TPO: variants seen among roughly 807,000 people sequenced by gnomAD.
TPO encodes the protein thyroid peroxidase, also known as thyroid microsomal antigen.
In TPO, 78 loss-of-function variants were observed where a neutral mutation model predicts 96.9. The ratio of observed to expected loss-of-function variants is 0.81; its 90% CI spans 0.67 to 0.97. TPO has a LOEUF of 0.97. TPO is among the 50% of genes least tolerant of loss of function. The pLI is 0.00. For synonymous variants in TPO, 547 were observed against 538.0 expected (o/e 1.02, Z -0.23); for missense variants, 1,252 against 1,274.8 (o/e 0.98, Z 0.27).
At chr2:1,408,941 G>T (rs1662286338), upstream of TPO, among the ~76,000 whole-genome samples, 1 of 152,226 alleles carries the variant, frequency 6.6e-6, no homozygotes, top group African/African-American at 2.4e-5. Flanking sequence ...CCCTTGGTGA[G>T]AAGATGGCTC....
intron 15 of TPO, among the ~76,000 whole-genome samples, chr2:1,517,726 G>A (rs1674851648): frequency 6.7e-6 from 1 of 149,768 alleles, no homozygotes; most frequent in African/African-American, 2.5e-5. Flanking sequence ...CCTTGCTGCT[G>A]CCTCTCACCT....
chr2:1,386,481 C>G (rs1338350694), intron 1 of TPO, among the ~76,000 whole-genome samples: 2 of 151,950 alleles, frequency 1.3e-5, no homozygotes, highest in East Asian at 1.9e-4. Context: ...TTCTTTGTCT[C>G]TTTTGATCTT....
intron 15 of TPO, among the ~76,000 whole-genome samples, chr2:1,534,005 TCTCCCCAAATCCCCCCCAATCTGTGCAAC>T (rs1678934656): frequency 2.0e-5 from 1 of 49,022 alleles, no homozygotes; most frequent in African/African-American, 7.7e-5. Flanking sequence ...CTCTGTGTAA[TCTCCCCAAATCCCCCCCAATCTGTGCAAC>T]CTCCCCAAAT....
chr2:1,396,801 G>A (rs1662088629), intron 1 of TPO, among the ~76,000 whole-genome samples: 1 of 152,082 alleles, frequency 6.6e-6, no homozygotes, highest in Admixed American at 6.5e-5. Flanking sequence ...GCTATGTGTG[G>A]GCAAATGAAT....
In TPO at chr2:1,433,310, C is replaced by G. The variant is rs757102470; in HGVS notation, c.180-128C>G. On this transcript the variant is annotated intron_variant, in intron 3 of 16. Transcript: ENST00000329066. ...GCACATGTTTTACCTGTGCACACCC[C>G]GCAGTGCCTGTCACATTGTCTGGGA... is the stretch of plus-strand genomic sequence containing the variant. 5.0e-6 allele frequency: 6 copies of G among 1,206,052 alleles called. No individual in the cohort carries two copies. The Admixed American group carries it at 6.3e-5, about 13-fold the overall frequency. 74.7% of individuals were successfully genotyped at this position (1,206,052 alleles called of 1,614,324 possible).
chr2:1,529,716 AAATCCCCCCACTGTGAGCAATCTCCTC>A (rs1677587769), intron 15 of TPO, among the ~76,000 whole-genome samples: 1 of 25,710 alleles, frequency 3.9e-5, no homozygotes, highest in Non-Finnish European at 7.5e-5. Flanking sequence ...CAACCTCCTC[AAATCCCCCCACTGTGAGCAATCTCCTC>A]AAATCCCCCC....
chr2:1,451,905 G>A (rs1434088067), intron 5 of TPO, among the ~76,000 whole-genome samples: 1 of 151,940 alleles, frequency 6.6e-6, no homozygotes, highest in Non-Finnish European at 1.5e-5. Flanking sequence ...TCTTCCAAAT[G>A]TAGAATATTT....
chr2:1,398,459 C>T (rs748991060), intron 1 of TPO, among the ~76,000 whole-genome samples: 13 of 152,224 alleles, frequency 8.5e-5, no homozygotes, highest in African/African-American at 2.9e-4. Flanking sequence ...GGCCACCACC[C>T]GGCACCAGCT....
At chr2:1,508,899 G>T (rs1258700915) in intron 14 of TPO, among the ~76,000 whole-genome samples, 2 of 152,120 alleles carry the variant, frequency 1.3e-5, no homozygotes, top group Non-Finnish European at 2.9e-5. Context: ...GTTCTGCTCT[G>T]ATCTTCGTTA....
rs371156048 is a variant in TPO, at chr2:1,499,497, C to T, written c.2386+2732C>T. ...TGCAGGGGCCTGTCTCGGCATGGTGCGTGCACAGCAGCCAGTGCTCCTGGT... is the reference window on the plus strand; with the variant it reads ...TGCAGGGGCCTGTCTCGGCATGGTGTGTGCACAGCAGCCAGTGCTCCTGGT... On this transcript the variant is annotated intron_variant, in intron 13 of 16. Transcript: ENST00000329066. Among the ~76,000 whole-genome samples the T allele has an allele frequency of 3.9e-5, 6 of 152,278 alleles. 1 individual carries two copies. The highest frequency in any genetic ancestry group is 3.9e-4 in the East Asian group (2 of 5,170).
At position 1,477,369 on chromosome 2, in the gene TPO, C is replaced by T. The variant is rs1252306521; in HGVS notation, c.1103C>T (p.Pro368Leu). ...GGCCGCGCCTACCTGCCCTTCGTGC[C>T]GCCACGCGCGCCTGCGGCCTGTGCG... is the stretch of plus-strand genomic sequence containing the variant. Reference protein sequence around the residue: ...DSGRAYLPFVPPRAPAACAPE... With the variant: ...DSGRAYLPFVLPRAPAACAPE... Residue 368 changes from proline to leucine, a missense_variant, in exon 8 of 17, where the codon CCG becomes CTG. By Grantham distance (98) the Pro-to-Leu change is moderately conservative (BLOSUM62 -3). Coordinates refer to ENST00000329066, the MANE Select transcript of TPO (RefSeq NM_001206744.2). 19 of 1,534,692 alleles carry T rather than the reference C, an allele frequency of 1.2e-5. No individual in the cohort carries two copies. Among genetic ancestry groups the T allele is most frequent in the Admixed American group, 3.9e-5 (2 of 50,640 alleles).
At chr2:1,462,517 AAC>A (rs35553172) in intron 7 of TPO, among the ~76,000 whole-genome samples, 1,979 of 131,056 alleles carry the variant, frequency 0.015, 46 homozygotes, top group African/African-American at 0.06. Context: ...TGTGTAGGTA[AAC>A]ACACACACAC....
rs1045666508 is a variant in TPO at position 1,517,440 on chromosome 2, C to T, written c.2618+458C>T. 3.3e-5 allele frequency among the ~76,000 whole-genome samples: 5 copies of T among 152,188 alleles called. No individual in the cohort carries two copies. In the East Asian group the frequency reaches 9.6e-4, roughly 29 times the overall value. On this transcript the variant is annotated intron_variant, in intron 15 of 16. Transcript: ENST00000329066. ...GGCGCTGCTGTTGAAAGACTCAGAC[C>T]CGCACCTGAGAGGCCCTGCCCTGTG...
chr2:1,526,971 ACTCAAATCCCCACACTGTGTGCAACCTC>A (rs1676681768), intron 15 of TPO, among the ~76,000 whole-genome samples: 3 of 77,160 alleles, frequency 3.9e-5, no homozygotes, highest in Admixed American at 2.9e-4. Context: ...TGTGCAACCT[ACTCAAATCCCCACACTGTGTGCAACCTC>A]CTCAAATCCC....
At chr2:1,406,359 C>G (rs1352991188) in intron 1 of TPO, among the ~76,000 whole-genome samples, 1 of 152,188 alleles carries the variant, frequency 6.6e-6, no homozygotes. Context: ...TTTATTTTTC[C>G]AGGGCACCTG....
In TPO at chr2:1,488,103, C is replaced by A. The variant is rs952860437; in HGVS notation, c.1768+112C>A. The A allele has an allele frequency of 1.3e-5, 20 of 1,492,322 alleles. No individual in the cohort carries two copies. The African/African-American group carries it at 2.3e-4, about 17-fold the overall frequency. 92.4% of individuals were successfully genotyped at this position (1,492,322 alleles called of 1,614,324 possible). On this transcript the variant is annotated intron_variant, in intron 10 of 16. Transcript: ENST00000329066. ...GAGGAAAACAATCACAAATCTGAGG[C>A]CTTCTAAGCAACGGCTCTTAAAGGG...
At chr2:1,510,585 G>A (rs1425564776) in intron 14 of TPO, among the ~76,000 whole-genome samples, 1 of 152,188 alleles carries the variant, frequency 6.6e-6, no homozygotes, top group Non-Finnish European at 1.5e-5. Flanking sequence ...TCGTGCCTAA[G>A]AGGGCTCACC....
At chr2:1,407,086 G>A (rs1383120257) in intron 1 of TPO, among the ~76,000 whole-genome samples, 8 of 152,188 alleles carry the variant, frequency 5.3e-5, no homozygotes, top group Non-Finnish European at 8.8e-5. Context: ...GGGTTTGTAA[G>A]GAAAATATGG....
At chr2:1,436,162 G>C in intron 4 of TPO, 90 bp from the exon 5 acceptor site, 1 of 1,601,640 alleles carries the variant, frequency 6.2e-7, no homozygotes, top group Non-Finnish European at 8.5e-7. Flanking sequence ...AAATTCAGAT[G>C]CTGGAGTCAC....
Sources: allele counts gnomAD v4.1 joint callset (sites outside exome capture counted in the v4.1 genomes callset), GRCh38; gene constraint gnomAD v4.1.1; transcripts MANE v1.5; gene names NCBI Gene and HGNC (gene_info 2026-07-23, HGNC 2026-07-21).